Variants in XPO4 observed in about 807,000 individuals in gnomAD.
XPO4 encodes exportin-4.
XPO4 carries 39 observed loss-of-function variants against 143.0 expected under a neutral mutation model. The ratio of observed to expected loss-of-function variants is 0.27; its 90% confidence interval spans 0.21 to 0.36. The LOEUF (loss-of-function observed/expected upper bound fraction) is 0.36. Ranked by LOEUF, XPO4 falls within the 10% of genes least tolerant of loss-of-function variation. The pLI, the probability that XPO4 is intolerant of heterozygous loss-of-function variation, is 1.00. For synonymous variants in XPO4, 439 were observed against 474.0 expected (o/e 0.93, Z 0.96); for missense variants, 907 against 1,348.0 (o/e 0.67, Z 5.12).
chr13:20,822,511 AT>A (rs1303335529), intron 7 of XPO4, among the ~76,000 whole-genome samples: 1 of 152,238 alleles, frequency 6.6e-6, no homozygotes, highest in Non-Finnish European at 1.5e-5. Flanking sequence ...GGCTACCTAC[AT>A]TTTGAAAATT....
Position 20,779,466 on chromosome 13 carries a change from G to A in XPO4, c.*4256C>T, listed in dbSNP as rs558942458. ...AGCTAAGAGGCCTAAGAATGCAGAC[G>A]GGGAGAAAAAAAACCAAAACCAAAA... is the stretch of plus-strand genomic sequence containing the variant. On this transcript the variant is annotated 3_prime_UTR_variant, in exon 23 of 23. Coordinates refer to ENST00000255305, the MANE Select transcript of XPO4 (RefSeq NM_022459.5). The A allele has an allele frequency of 5.3e-5, 8 of 152,278 alleles. No individual in the cohort carries two copies. In the South Asian group the frequency reaches 8.3e-4, roughly 16 times the overall value. The allele number at this position is 152,278 out of a possible 1,614,324, so 9.4% of individuals were successfully genotyped here. A position where few individuals can be genotyped will look rare whatever the true frequency, so the allele number is the denominator to read the frequency against.
intron 1 of XPO4, among the ~76,000 whole-genome samples, chr13:20,885,095 G>A (rs2060449070): frequency 6.6e-6 from 1 of 152,098 alleles, no homozygotes; most frequent in Non-Finnish European, 1.5e-5. Context: ...TGGGATTACA[G>A]GCATGCGCCA....
At chr13:20,896,393 ATTCAGCTC>A (rs1733856727) in intron 1 of XPO4, among the ~76,000 whole-genome samples, 1 of 152,182 alleles carries the variant, frequency 6.6e-6, no homozygotes, top group Non-Finnish European at 1.5e-5. Flanking sequence ...CCTTCATTTA[ATTCAGCTC>A]TTTTATATTC....
intron 1 of XPO4, among the ~76,000 whole-genome samples, chr13:20,894,948 C>T (rs2147348): frequency 6.6e-6 from 1 of 151,530 alleles, no homozygotes; most frequent in Non-Finnish European, 1.5e-5. Flanking sequence ...AAGGCCGAGG[C>T]GAGCGGATCA....
intron 2 of XPO4, 110 bp downstream of exon 2, chr13:20,868,486 A>T (rs1394781390): frequency 2.1e-6 from 3 of 1,399,902 alleles, no homozygotes; most frequent in Non-Finnish European, 2.8e-6. Context: ...AATAATTGTA[A>T]CTACACAAAC....
At position 20,782,503 on chromosome 13, in the gene XPO4, C is replaced by G. The variant is rs1274036068; in HGVS notation, c.*1219G>C. Reference sequence around the variant, plus strand: ...TAATCTCTGAAATTAAATTCACTGGCTCCCATGTCTGGATAAGAATTATTG... The same window carrying G: ...TAATCTCTGAAATTAAATTCACTGGGTCCCATGTCTGGATAAGAATTATTG... On this transcript the variant is annotated 3_prime_UTR_variant, in exon 23 of 23. Transcript: ENST00000255305. 6 of 152,622 alleles carry G rather than the reference C, an allele frequency of 3.9e-5. No homozygotes were observed. In the East Asian group the frequency reaches 1.2e-3, roughly 29 times the overall value. The allele number at this position is 152,622 out of a possible 1,614,324, so 9.5% of individuals were successfully genotyped here. A position where few individuals can be genotyped will look rare whatever the true frequency, so the allele number is the denominator to read the frequency against.
intron 13 of XPO4, among the ~76,000 whole-genome samples, chr13:20,806,159 T>TTGGA: frequency 6.6e-6 from 1 of 152,230 alleles, no homozygotes; most frequent in East Asian, 1.9e-4. Flanking sequence ...AAAGCACTGA[T>TTGGA]TTCCAGAGAC....
chr13:20,893,066 G>A (rs965428584), intron 1 of XPO4, among the ~76,000 whole-genome samples: 5 of 152,040 alleles, frequency 3.3e-5, no homozygotes, highest in African/African-American at 1.2e-4. Context: ...CCCTGTGACA[G>A]GACACAGGAC....
rs2059154661 is a variant in XPO4 at position 20,782,598 on chromosome 13, TA to T, written c.*1123del. 6.6e-6 allele frequency: 1 copy of T among 152,598 alleles called. No homozygotes were observed. Among genetic ancestry groups the T allele is most frequent in the African/African-American group, 2.4e-5 (1 of 41,448 alleles). The allele number at this position is 152,598 out of a possible 1,614,324, so 9.5% of individuals were successfully genotyped here. A position where few individuals can be genotyped will look rare whatever the true frequency, so the allele number is the denominator to read the frequency against. Reference sequence around the variant, plus strand: ...CACATCCTTTAAAATAATTATTGCTTAAGCAAGCCATTTAGAGTAGATATGG... The same window carrying T: ...CACATCCTTTAAAATAATTATTGCTTAGCAAGCCATTTAGAGTAGATATGG... On this transcript the variant is annotated 3_prime_UTR_variant, in exon 23 of 23. Transcript: ENST00000255305.
At chr13:20,902,290 C>T in intron 1 of XPO4, 2 of 985,400 alleles carry the variant, frequency 2.0e-6, no homozygotes, top group Non-Finnish European at 1.2e-6. Context: ...TCCCCAAGAG[C>T]GCTCACACAG....
At position 20,778,251 on chromosome 13, in the gene XPO4, C is replaced by T. The variant is rs955985111; in HGVS notation, c.*5471G>A. 2.0e-5 allele frequency: 3 copies of T among 152,174 alleles called. No individual in the cohort carries two copies. The highest frequency in any genetic ancestry group is 4.4e-5 in the Non-Finnish European group (3 of 68,022). 9.4% of individuals were successfully genotyped at this position (152,174 alleles called of 1,614,324 possible). On this transcript the variant is annotated 3_prime_UTR_variant, in exon 23 of 23. Coordinates refer to ENST00000255305, the MANE Select transcript of XPO4 (RefSeq NM_022459.5). ...ATGAAAGAAACAAAAATTCAAAATA[C>T]ACTCTAATTGGTTTTCTTAAACAAC... is the stretch of plus-strand genomic sequence containing the variant.
chr13:20,820,180 T>C (rs1214245304), intron 9 of XPO4, among the ~76,000 whole-genome samples: 2 of 152,250 alleles, frequency 1.3e-5, no homozygotes, highest in Non-Finnish European at 2.9e-5. Flanking sequence ...AGAGCACGCC[T>C]GCTGTGAAAT....
intron 6 of XPO4, among the ~76,000 whole-genome samples, chr13:20,828,179 G>A (rs2137993805): frequency 6.6e-6 from 1 of 152,276 alleles, no homozygotes; most frequent in Middle Eastern, 3.4e-3. Flanking sequence ...CGCAGAGGTT[G>A]CAGTGAGCCG....
chr13:20,802,492 T>G (rs536030938), intron 13 of XPO4, among the ~76,000 whole-genome samples: 83 of 152,332 alleles, frequency 5.4e-4, no homozygotes, highest in African/African-American at 1.9e-3. Context: ...GTAATACATT[T>G]AAGTTGTAGA....
At chr13:20,795,772 T>C (rs2818998) in intron 18 of XPO4, among the ~76,000 whole-genome samples, 45,648 of 152,076 alleles carry the variant, frequency 0.3, 8,646 homozygotes, top group East Asian at 0.8. Flanking sequence ...TGTGCTTCTG[T>C]TTCCTCATCT....
At chr13:20,861,436 CAGG>C (rs2060197338) in intron 3 of XPO4, among the ~76,000 whole-genome samples, 2 of 151,294 alleles carry the variant, frequency 1.3e-5, no homozygotes, top group African/African-American at 2.4e-5. Context: ...GCTGGGACTA[CAGG>C]CATGCACTAC....
At chr13:20,859,447 A>G (rs566800094) in intron 3 of XPO4, among the ~76,000 whole-genome samples, 1 of 152,262 alleles carries the variant, frequency 6.6e-6, no homozygotes, top group African/African-American at 2.4e-5. Context: ...AAAAATACAA[A>G]AAATTAGCCA....
chr13:20,835,679 A>G (rs1237540475), intron 6 of XPO4, among the ~76,000 whole-genome samples: 1 of 152,192 alleles, frequency 6.6e-6, no homozygotes, highest in Non-Finnish European at 1.5e-5. Flanking sequence ...GCTCTTCGAA[A>G]TATCTATATA....
intron 2 of XPO4, among the ~76,000 whole-genome samples, chr13:20,865,835 T>C (rs1001045447): frequency 1.3e-5 from 2 of 152,142 alleles, no homozygotes; most frequent in African/African-American, 4.8e-5. Flanking sequence ...CACCAACTAA[T>C]GACAAAAAGT....
Sources: allele counts gnomAD v4.1 joint callset (sites outside exome capture counted in the v4.1 genomes callset), GRCh38; gene constraint gnomAD v4.1.1; transcripts MANE v1.5; gene names NCBI Gene and HGNC (gene_info 2026-07-23, HGNC 2026-07-21).